Variants in PCDH15 observed in about 807,000 individuals in gnomAD.
The protein encoded by PCDH15 is protocadherin-15.
Under a neutral mutation model 178.5 loss-of-function variants are expected in PCDH15, and 129 were observed. The ratio of observed to expected loss-of-function variants is 0.72; its 90% CI spans 0.63 to 0.84. The LOEUF is 0.84. PCDH15 is among the 40% of genes least tolerant of loss of function. The probability of loss-of-function intolerance (pLI) is 0.00; values close to 1 mark genes in which losing one functional copy is unlikely to be tolerated. For missense variants in PCDH15, 2,230 were observed against 2,099.9 expected (o/e 1.06, Z -1.21); for synonymous variants, 800 against 732.0 (o/e 1.09, Z -1.50).
chr10:54,296,471 G>A (rs1338750232), intron 8 of PCDH15, among the ~76,000 whole-genome samples: 1 of 152,080 alleles, frequency 6.6e-6, no homozygotes, highest in African/African-American at 2.4e-5. Context: ...CCTCATGCCT[G>A]TCAGACAAAC....
intron 2 of PCDH15, among the ~76,000 whole-genome samples, chr10:54,575,780 A>T (rs2133685298): frequency 6.6e-6 from 1 of 152,336 alleles, no homozygotes; most frequent in Non-Finnish European, 1.5e-5. Flanking sequence ...GTTGTAAATT[A>T]GTTCTCAGAC....
chr10:54,816,327 T>C (rs968531633), intron 3 of PCDH15, among the ~76,000 whole-genome samples: 5 of 152,046 alleles, frequency 3.3e-5, no homozygotes, highest in African/African-American at 1.2e-4. Flanking sequence ...TGGTAATGGA[T>C]ATAACTAAAA....
intron 2 of PCDH15, among the ~76,000 whole-genome samples, chr10:54,563,394 T>A (rs978598443): frequency 2.6e-5 from 4 of 152,034 alleles, no homozygotes; most frequent in Admixed American, 2.6e-4. Flanking sequence ...CATGAGTAAT[T>A]GCCTAAGTAT....
chr10:54,094,218 A>C (rs2094655310), intron 15 of PCDH15, among the ~76,000 whole-genome samples: 1 of 152,210 alleles, frequency 6.6e-6, no homozygotes, highest in Non-Finnish European at 1.5e-5. Flanking sequence ...TGCAGCAGTA[A>C]ACCACACAGA....
chr10:54,718,684 CTTTTTTTTTTTT>C (rs71461255), intron 1 of PCDH15, among the ~76,000 whole-genome samples: 1 of 111,520 alleles, frequency 9.0e-6, no homozygotes, highest in Non-Finnish European at 1.8e-5. Flanking sequence ...CACACTGATT[CTTTTTTTTTTTT>C]TTTTTTTTCT....
intron 2 of PCDH15, among the ~76,000 whole-genome samples, chr10:54,661,950 C>T (rs1318809724): frequency 1.3e-5 from 2 of 151,816 alleles, no homozygotes; most frequent in African/African-American, 4.8e-5. Context: ...CTATAGAGAT[C>T]ATAGAATAAA....
intron 2 of PCDH15, among the ~76,000 whole-genome samples, chr10:55,070,436 A>T (rs1466066862): frequency 6.6e-6 from 1 of 151,994 alleles, no homozygotes; most frequent in Non-Finnish European, 1.5e-5. Context: ...TCTTTAATCC[A>T]TCTTGAATTA....
intron 2 of PCDH15, among the ~76,000 whole-genome samples, chr10:55,106,479 G>T (rs944467407): frequency 6.6e-6 from 1 of 152,200 alleles, no homozygotes; most frequent in Middle Eastern, 3.4e-3. Context: ...AGTGGCGCAC[G>T]ATCTCAGCTC....
At chr10:55,074,521 GTGTC>G (rs1273009125) in intron 2 of PCDH15, among the ~76,000 whole-genome samples, 1 of 152,132 alleles carries the variant, frequency 6.6e-6, no homozygotes, top group Non-Finnish European at 1.5e-5. Context: ...CTTTTGAGAA[GTGTC>G]TGTTCATGTC....
intron 5 of PCDH15, among the ~76,000 whole-genome samples, chr10:54,358,418 C>T (rs1390808054): frequency 2.0e-5 from 3 of 152,034 alleles, no homozygotes; most frequent in Non-Finnish European, 4.4e-5. Flanking sequence ...AAAATGCTCA[C>T]CATCACTGGC....
intron 3 of PCDH15, among the ~76,000 whole-genome samples, chr10:54,848,350 C>G (rs937032369): frequency 2.1e-5 from 3 of 145,460 alleles, no homozygotes; most frequent in African/African-American, 7.7e-5. Flanking sequence ...CCTCTGCACT[C>G]CAGCCTGGGC....
intron 3 of PCDH15, among the ~76,000 whole-genome samples, chr10:54,424,207 A>G (rs1488538719): frequency 1.3e-5 from 2 of 151,988 alleles, no homozygotes; most frequent in Non-Finnish European, 2.9e-5. Context: ...AAGGATATGA[A>G]CAGACACTTC....
chr10:54,900,762 T>C (rs571608140), intron 2 of PCDH15, among the ~76,000 whole-genome samples: 3 of 152,180 alleles, frequency 2.0e-5, no homozygotes, highest in Non-Finnish European at 4.4e-5. Flanking sequence ...AAATTAACCT[T>C]CAGCGACCCA....
chr10:54,604,171 AAGTTG>A (rs1159110293), intron 2 of PCDH15, among the ~76,000 whole-genome samples: 3 of 151,930 alleles, frequency 2.0e-5, no homozygotes, highest in Non-Finnish European at 4.4e-5. Flanking sequence ...TATCATCTTA[AAGTTG>A]AGTTGTTTTG....
chr10:53,840,616 A>G (rs1027117765), intron 28 of PCDH15, 120 bp from the exon 29 acceptor site: 22 of 932,178 alleles, frequency 2.4e-5, no homozygotes, highest in Admixed American at 6.1e-5. Flanking sequence ...GTTTTTTGTT[A>G]ATGTTTACTG....
intron 2 of PCDH15, among the ~76,000 whole-genome samples, chr10:55,062,492 T>C (rs1208912108): frequency 6.6e-6 from 1 of 152,200 alleles, no homozygotes; most frequent in Non-Finnish European, 1.5e-5. Context: ...TATGAAAATG[T>C]TACATGCTGT....
chr10:55,051,451 T>C (rs1444070770), intron 2 of PCDH15, among the ~76,000 whole-genome samples: 2 of 152,204 alleles, frequency 1.3e-5, no homozygotes, highest in African/African-American at 4.8e-5. Context: ...GTTTAAATAA[T>C]TTAATCCATT....
chr10:54,253,467 A>G (rs1248391445), intron 8 of PCDH15, among the ~76,000 whole-genome samples: 1 of 152,074 alleles, frequency 6.6e-6, no homozygotes, highest in Non-Finnish European at 1.5e-5. Context: ...AGTGAGTTAT[A>G]TATTTTATTG....
At chr10:54,223,552 A>ATTTTTTTTTTTTTTTTT (rs2053113997) in intron 9 of PCDH15, among the ~76,000 whole-genome samples, 8 of 99,328 alleles carry the variant, frequency 8.1e-5, no homozygotes, top group Admixed American at 1.1e-4. Context: ...CTTTTGCTTC[A>ATTTTTTTTTTTTTTTTT]TATTATTTTT....
Sources: gnomAD v4.1 joint callset for allele counts (sites outside exome capture counted in the v4.1 genomes callset) on GRCh38, gnomAD v4.1.1 for gene constraint, MANE v1.5 for transcripts, NCBI Gene and HGNC (gene_info 2026-07-23, HGNC 2026-07-21) for gene names.